IQCE: variants seen among roughly 807,000 people sequenced by gnomAD.
IQCE encodes IQ domain-containing protein E.
A neutral mutation model predicts 96.0 loss-of-function variants in IQCE; 115 were observed. The ratio of observed to expected loss-of-function variants is 1.20; its 90% CI spans 1.03 to 1.40. IQCE has a LOEUF of 1.40. Ranked by LOEUF, IQCE falls within the 40% of genes most tolerant of loss-of-function variation. IQCE has a pLI of 0.00. For missense variants in IQCE, 1,041 were observed against 909.1 expected, an observed-to-expected ratio of 1.15 and a Z score of -1.87; for synonymous variants, 412 against 371.2, an observed-to-expected ratio of 1.11 and a Z score of -1.26.
chr7:2,609,184 C>T (rs992539574), intron 21 of IQCE, among the ~76,000 whole-genome samples: 2 of 152,078 alleles, frequency 1.3e-5, no homozygotes, highest in Non-Finnish European at 2.9e-5. Flanking sequence ...AAGTTTGGAA[C>T]GCTCTAGATG....
At chr7:2,563,327 G>T (rs967614338) in intron 1 of IQCE, among the ~76,000 whole-genome samples, 1 of 151,634 alleles carries the variant, frequency 6.6e-6, no homozygotes, top group African/African-American at 2.4e-5. Context: ...CTCCTGTGTA[G>T]TTGGGACCAC....
intron 11 of IQCE, chr7:2,584,627 T>G (rs1367195481): frequency 4.0e-6 from 1 of 248,702 alleles, no homozygotes; most frequent in Non-Finnish European, 7.8e-6. Flanking sequence ...ACAAGTTTAC[T>G]TTGCCACCTA....
intron 1 of IQCE, among the ~76,000 whole-genome samples, chr7:2,565,521 C>G (rs1245727770): frequency 6.6e-6 from 1 of 152,154 alleles, no homozygotes; most frequent in Non-Finnish European, 1.5e-5. Context: ...TTATTCACAG[C>G]AAGGAATAAT....
chr7:2,585,734 G>A (rs1220892900), intron 11 of IQCE, among the ~76,000 whole-genome samples: 3 of 152,246 alleles, frequency 2.0e-5, no homozygotes, highest in African/African-American at 4.8e-5. Context: ...ACCTGTGCAC[G>A]TGCAAGAATC....
At chr7:2,575,831 G>C (rs891067069) in intron 6 of IQCE, among the ~76,000 whole-genome samples, 1 of 152,134 alleles carries the variant, frequency 6.6e-6, no homozygotes, top group African/African-American at 2.4e-5. Context: ...GCTCCCTGCC[G>C]TGTCGATCGC....
intron 6 of IQCE, among the ~76,000 whole-genome samples, chr7:2,575,324 C>T (rs1369147580): frequency 1.3e-5 from 2 of 152,220 alleles, no homozygotes; most frequent in East Asian, 1.9e-4. Flanking sequence ...GGGAGGGGCT[C>T]CTCATTCCCA....
Position 2,586,192 on chromosome 7 carries a change from G to T in IQCE, c.825-16G>T, listed in dbSNP as rs372844676. Reference sequence around the variant, plus strand: ...CTTAGCAATGCAAACCTCAGTCCACGATTTGGTTGTTCCAGGCCCCTGGGG... The same window carrying T: ...CTTAGCAATGCAAACCTCAGTCCACTATTTGGTTGTTCCAGGCCCCTGGGG... On this transcript the variant is annotated splice_polypyrimidine_tract_variant and intron_variant, in intron 11 of 21. Transcript: ENST00000402050. The T allele has an allele frequency of 1.2e-6, 2 of 1,608,850 alleles. No homozygotes were observed. Among genetic ancestry groups the T allele is most frequent in the South Asian group, 1.1e-5 (1 of 90,476 alleles).
intron 5 of IQCE, among the ~76,000 whole-genome samples, 178 bp downstream of exon 5, chr7:2,572,504 C>T (rs1453608538): frequency 1.3e-5 from 2 of 152,166 alleles, no homozygotes; most frequent in African/African-American, 4.8e-5. Flanking sequence ...TCACAAAAAC[C>T]CGCCTGCCCC....
intron 16 of IQCE, chr7:2,597,218 G>A: frequency 4.5e-6 from 2 of 444,364 alleles, no homozygotes; most frequent in South Asian, 3.2e-5. Flanking sequence ...GTCTTCAGCT[G>A]TCCCGCACCT....
intron 17 of IQCE, among the ~76,000 whole-genome samples, chr7:2,600,475 T>C (rs1173961869): frequency 2.0e-5 from 3 of 152,244 alleles, no homozygotes. Context: ...TTTCCCCTTG[T>C]GGTCTTAGTG....
rs181017310 is a variant in IQCE, at chr7:2,595,468, G to A, written c.1440+492G>A. On this transcript the variant is annotated intron_variant, in intron 16 of 21. Coordinates refer to ENST00000402050, the MANE Select transcript of IQCE (RefSeq NM_152558.5). Reference sequence around the variant, plus strand: ...TCACTCAGCTGTGCACGGGTTGAACGTGGAGTGACTGTTAGCAGGGACCCG... The same window carrying A: ...TCACTCAGCTGTGCACGGGTTGAACATGGAGTGACTGTTAGCAGGGACCCG... 2.3e-3 allele frequency among the ~76,000 whole-genome samples: 346 copies of A among 152,318 alleles called. 1 individual carries two copies. The highest frequency in any genetic ancestry group is 7.7e-3 in the African/African-American group (318 of 41,558).
At position 2,583,637 on chromosome 7, in the gene IQCE, C is replaced by T; in HGVS notation, c.702C>T (p.Ser234=). The T allele has an allele frequency of 2.5e-6, 4 of 1,579,116 alleles. No homozygotes were observed. The highest frequency in any genetic ancestry group is 3.5e-6 in the Non-Finnish European group (4 of 1,158,120). Residue 234 remains serine, a splice_region_variant and synonymous_variant, in exon 10 of 22, where the codon AGC becomes AGT. Coordinates refer to ENST00000402050, the MANE Select transcript of IQCE (RefSeq NM_152558.5). Reference sequence around the variant, plus strand: ...ATTAACGCTGAACTTGGGTTTTCAGCAAACTCCAGACCGATATGAAGACTA... The same window carrying T: ...ATTAACGCTGAACTTGGGTTTTCAGTAAACTCCAGACCGATATGAAGACTA... The part of the protein sequence containing the change: ...QQCKEKDGTI[S]KLQTDMKTTN...
chr7:2,605,790 A>C (rs1395687723), intron 19 of IQCE, 86 bp from the exon 20 acceptor site: 1 of 1,345,126 alleles, frequency 7.4e-7, no homozygotes, highest in Non-Finnish European at 9.7e-7. Flanking sequence ...TGTCTCCCTG[A>C]CGCCCAGGGT....
chr7:2,578,423 C>T (rs1248044238), intron 7 of IQCE, 53 bp from the exon 8 acceptor site: 3 of 1,595,964 alleles, frequency 1.9e-6, no homozygotes, highest in Non-Finnish European at 2.6e-6. Context: ...CCAGCCAGCC[C>T]TGCTGGGGGC....
Position 2,587,865 on chromosome 7 carries a change from G to A in IQCE, c.1032G>A (p.Val344=), listed in dbSNP as rs1313237144. ...AGCCCCGGCTGCTGAGGCGCATTGT[G>A]GAGCTGGAGAAGGTGAGCGGGCGTC... ...WSKPRLLRRI[V]ELEKKLSVME... is the part of the protein sequence containing the mutation. Residue 344 remains valine (V), a synonymous_variant, in exon 13 of 22, where the codon GTG becomes GTA. Coordinates refer to ENST00000402050, the MANE Select transcript of IQCE (RefSeq NM_152558.5). The A allele has an allele frequency of 6.2e-7, 1 of 1,614,090 alleles. No homozygotes were observed. The highest frequency in any genetic ancestry group is 8.5e-7 in the Non-Finnish European group (1 of 1,179,964).
At chr7:2,562,172 A>G (rs1306289220) in intron 1 of IQCE, among the ~76,000 whole-genome samples, 2 of 151,930 alleles carry the variant, frequency 1.3e-5, no homozygotes, top group Non-Finnish European at 2.9e-5. Flanking sequence ...TCTTCATTTT[A>G]TTAATATGGA....
At chr7:2,563,296 A>G (rs1054720619) in intron 1 of IQCE, among the ~76,000 whole-genome samples, 6 of 152,036 alleles carry the variant, frequency 3.9e-5, no homozygotes, top group Non-Finnish European at 8.8e-5. Context: ...TCCCGGACCC[A>G]GGTGATTCTC....
intron 21 of IQCE, among the ~76,000 whole-genome samples, chr7:2,608,916 T>A (rs969072706): frequency 1.3e-5 from 2 of 152,262 alleles, no homozygotes; most frequent in Non-Finnish European, 2.9e-5. Context: ...TAATATGAAT[T>A]TTCTTGAAAG....
chr7:2,567,408 G>T (rs1393634037), intron 2 of IQCE, among the ~76,000 whole-genome samples: 1 of 152,260 alleles, frequency 6.6e-6, no homozygotes, highest in African/African-American at 2.4e-5. Context: ...CAGATTGCTA[G>T]TCCCTGGCCT....
Sources: gnomAD v4.1 joint callset for allele counts (sites outside exome capture counted in the v4.1 genomes callset) on GRCh38, gnomAD v4.1.1 for gene constraint, MANE v1.5 for transcripts, NCBI Gene and HGNC (gene_info 2026-07-23, HGNC 2026-07-21) for gene names.